The following PRKCE variants were observed in gnomAD, a reference collection of about 807,000 sequenced individuals.
The protein encoded by PRKCE is protein kinase C epsilon type.
Under a neutral mutation model 85.4 loss-of-function variants are expected in PRKCE, and 16 were observed. The observed-to-expected ratio is 0.19, with a 90% CI of 0.13 to 0.28. The LOEUF is 0.28. Ranked by LOEUF, PRKCE falls within the 10% of genes least tolerant of loss-of-function variation. The probability of loss-of-function intolerance (pLI) is 1.00; values close to 1 mark genes in which losing one functional copy is unlikely to be tolerated. For synonymous variants in PRKCE, 388 were observed against 371.5 expected (o/e 1.04, Z -0.51); for missense variants, 573 against 975.2 (o/e 0.59, Z 5.49).
intron 1 of PRKCE, among the ~76,000 whole-genome samples, chr2:45,676,450 G>A (rs544530088): frequency 5.0e-4 from 76 of 152,312 alleles, no homozygotes; most frequent in African/African-American, 1.8e-3. Flanking sequence ...ATACATGCAG[G>A]TCAGAATGAC....
chr2:45,762,788 C>G (rs1472464448), intron 1 of PRKCE, among the ~76,000 whole-genome samples: 1 of 152,070 alleles, frequency 6.6e-6, no homozygotes, highest in East Asian at 1.9e-4. Context: ...AACCTGATAG[C>G]CCATTTTATA....
At chr2:46,070,830 T>A (rs1668024985) in intron 10 of PRKCE, among the ~76,000 whole-genome samples, 1 of 152,216 alleles carries the variant, frequency 6.6e-6, no homozygotes, top group Non-Finnish European at 1.5e-5. Context: ...CCTCTGTATC[T>A]TTGTGTCAAA....
chr2:45,740,183 A>G (rs1682438152), intron 1 of PRKCE, among the ~76,000 whole-genome samples: 1 of 152,020 alleles, frequency 6.6e-6, no homozygotes, highest in Non-Finnish European at 1.5e-5. Context: ...TGGAAAATGA[A>G]CAAGTTGTCC....
chr2:45,777,124 T>G (rs1685813803), intron 1 of PRKCE, among the ~76,000 whole-genome samples: 1 of 152,052 alleles, frequency 6.6e-6, no homozygotes, highest in African/African-American at 2.4e-5. Context: ...TCACTCGACA[T>G]TTGGAATATG....
intron 6 of PRKCE, among the ~76,000 whole-genome samples, chr2:45,992,860 G>A (rs377226166): frequency 6.7e-6 from 1 of 150,194 alleles, no homozygotes; most frequent in South Asian, 2.1e-4. Context: ...CTGAACCCCA[G>A]TGTGTCCCCA....
intron 11 of PRKCE, among the ~76,000 whole-genome samples, chr2:46,125,083 G>T (rs1437527162): frequency 6.6e-6 from 1 of 152,130 alleles, no homozygotes; most frequent in Non-Finnish European, 1.5e-5. Flanking sequence ...CTTCTTTACT[G>T]CCATGCTTAG....
intron 10 of PRKCE, among the ~76,000 whole-genome samples, chr2:46,044,397 G>A (rs911232009): frequency 2.6e-5 from 4 of 152,160 alleles, no homozygotes; most frequent in African/African-American, 7.2e-5. Context: ...GACTAGCAAA[G>A]GCCTTATGCT....
rs181384392 is a variant in PRKCE at position 45,939,641 on chromosome 2, G to A, written c.413-36788G>A. Among the ~76,000 whole-genome samples, 165 of 151,736 alleles carry A rather than the reference G, an allele frequency of 1.1e-3. No individual in the cohort carries two copies. The Middle Eastern group carries it at 0.02, about 19-fold the overall frequency. On this transcript the variant is annotated intron_variant, in intron 2 of 14. Coordinates refer to ENST00000306156, the MANE Select transcript of PRKCE (RefSeq NM_005400.3). ...GCAATCTCAGCTCACTGCAACCTCC[G>A]CCTCCTGGGTTCAAGTGATTCTCCT...
chr2:45,941,360 T>G (rs1487993444), intron 2 of PRKCE, among the ~76,000 whole-genome samples: 5 of 152,252 alleles, frequency 3.3e-5, no homozygotes, highest in African/African-American at 1.2e-4. Context: ...ACATCATTGG[T>G]ATATTCATCT....
At chr2:45,722,121 G>A (rs1680675620) in intron 1 of PRKCE, among the ~76,000 whole-genome samples, 1 of 152,046 alleles carries the variant, frequency 6.6e-6, no homozygotes, top group African/African-American at 2.4e-5. Flanking sequence ...CCCATTGCAT[G>A]TTAACACAAA....
rs1483745630 is a variant in PRKCE, at chr2:45,651,693, G to A, written c.-408G>A. On this transcript the variant is annotated 5_prime_UTR_variant, in exon 1 of 15. It removes an upstream start codon present in the reference 5' UTR. Transcript: ENST00000306156. ...CGGAGTCGAAATTTCCCGGGATTAT[G>A]TTTCGGAAAGGTAGGTAAGCGCCGG... The A allele has an allele frequency of 6.7e-6, 1 of 150,228 alleles. No individual in the cohort carries two copies. Among genetic ancestry groups the A allele is most frequent in the African/African-American group, 2.5e-5 (1 of 40,028 alleles). 9.3% of individuals were successfully genotyped at this position (150,228 alleles called of 1,614,324 possible). A position where few individuals can be genotyped will look rare whatever the true frequency, so the allele number is the denominator to read the frequency against.
chr2:45,662,007 A>C (rs1675686445), intron 1 of PRKCE, among the ~76,000 whole-genome samples: 1 of 152,182 alleles, frequency 6.6e-6, no homozygotes, highest in African/African-American at 2.4e-5. Context: ...TCTCGTGAAC[A>C]GGAAGTGTCC....
intron 2 of PRKCE, among the ~76,000 whole-genome samples, chr2:45,958,618 A>C (rs535121672): frequency 6.8e-6 from 1 of 148,098 alleles, no homozygotes; most frequent in Non-Finnish European, 1.5e-5. Flanking sequence ...CCTCTCACAC[A>C]CCCCCTATGC....
At chr2:45,941,924 A>G (rs1699904930) in intron 2 of PRKCE, among the ~76,000 whole-genome samples, 1 of 152,156 alleles carries the variant, frequency 6.6e-6, no homozygotes, top group Non-Finnish European at 1.5e-5. Context: ...TACCTCTTCT[A>G]CCCTGATTAA....
intron 2 of PRKCE, among the ~76,000 whole-genome samples, chr2:45,899,003 G>A (rs1267636979): frequency 6.6e-6 from 1 of 152,230 alleles, no homozygotes; most frequent in Non-Finnish European, 1.5e-5. Context: ...GGACTTACAT[G>A]TTCATTCCTG....
chr2:46,061,859 C>CTTTTCTTTTCTTTTCTTTTTCTT (rs869162406), intron 10 of PRKCE, among the ~76,000 whole-genome samples: 1 of 107,746 alleles, frequency 9.3e-6, no homozygotes, highest in Admixed American at 9.6e-5. Context: ...TTTTCTTTTT[C>CTTTTCTTTTCTTTTCTTTTTCTT]TTTTTTTTTT....
intron 10 of PRKCE, among the ~76,000 whole-genome samples, chr2:46,026,317 C>T (rs1707107299): frequency 6.6e-6 from 1 of 152,154 alleles, no homozygotes; most frequent in Non-Finnish European, 1.5e-5. Flanking sequence ...AATCTCAATT[C>T]TCTAGAATGG....
chr2:45,662,598 T>C (rs1053991844), intron 1 of PRKCE, among the ~76,000 whole-genome samples: 2 of 152,038 alleles, frequency 1.3e-5, no homozygotes, highest in African/African-American at 4.8e-5. Flanking sequence ...TTCTGGGCCT[T>C]GGCTACGGTT....
chr2:45,997,406 A>G (rs1354888958), intron 6 of PRKCE, among the ~76,000 whole-genome samples: 1 of 152,072 alleles, frequency 6.6e-6, no homozygotes, highest in Non-Finnish European at 1.5e-5. Flanking sequence ...TTCCTAAGAT[A>G]GAGGCTTAGA....
Sources: gnomAD v4.1 joint callset for allele counts (sites outside exome capture counted in the v4.1 genomes callset) on GRCh38, gnomAD v4.1.1 for gene constraint, MANE v1.5 for transcripts, NCBI Gene and HGNC (gene_info 2026-07-23, HGNC 2026-07-21) for gene names.